The following GLRA2 variants were observed in gnomAD, a reference collection of about 807,000 sequenced individuals.
The protein encoded by GLRA2 is glycine receptor subunit alpha-2.
Under a neutral mutation model 31.6 loss-of-function variants are expected in GLRA2, and 11 were observed. The ratio of observed to expected loss-of-function variants is 0.35; its 90% confidence interval spans 0.22 to 0.58. GLRA2 has a LOEUF of 0.58. Among genes scored for constraint, GLRA2 ranks in the 20% least tolerant of loss-of-function variants. The pLI is 0.84. For missense variants in GLRA2, 212 were observed against 351.8 expected (o/e 0.60, Z 3.18); for synonymous variants, 132 against 134.0 (o/e 0.99, Z 0.10).
At chrX:14,558,390 G>T (rs1363681313) in intron 2 of GLRA2, among the ~76,000 whole-genome samples, 2 of 112,126 alleles carry the variant, frequency 1.8e-5, no homozygotes, top group East Asian at 5.6e-4. Flanking sequence ...GCTGTTTAAA[G>T]TTGACAGGTG....
chrX:14,618,132 A>T (rs2090474144), intron 7 of GLRA2, among the ~76,000 whole-genome samples: 2 of 111,983 alleles, frequency 1.8e-5, no homozygotes, highest in African/African-American at 6.5e-5. Context: ...AAAATTTACC[A>T]TTTCTTCCAG....
At chrX:14,589,657 C>T (rs888158018) in intron 4 of GLRA2, among the ~76,000 whole-genome samples, 3 of 97,990 alleles carry the variant, frequency 3.1e-5, no homozygotes, top group African/African-American at 1.1e-4. Context: ...GGCAACAGAG[C>T]GAGACTCTAT....
At chrX:14,449,028 C>T in the GLRA2 span, among the ~76,000 whole-genome samples, 2 of 112,316 alleles carry the variant, frequency 1.8e-5, no homozygotes, top group Non-Finnish European at 3.8e-5. Flanking sequence ...TTTCAGCTAT[C>T]TGCTCATTCA....
chrX:14,499,736 T>G, the GLRA2 span, among the ~76,000 whole-genome samples: 3 of 111,105 alleles, frequency 2.7e-5, no homozygotes, highest in Non-Finnish European at 5.7e-5. Context: ...CTGAAAAACC[T>G]CCTTTTGGGT....
intron 2 of GLRA2, among the ~76,000 whole-genome samples, chrX:14,543,045 G>A (rs2089426733): frequency 9.1e-6 from 1 of 109,302 alleles, no homozygotes. Context: ...TCAGAAGGAT[G>A]ATACCTTCTT....
chrX:14,480,465 T>C, the GLRA2 span, among the ~76,000 whole-genome samples: 2,207 of 111,972 alleles, frequency 0.02, 70 homozygotes, highest in African/African-American at 0.068. Flanking sequence ...TGATGTTTCC[T>C]ATGTTTTCTT....
At chrX:14,695,917 A>C (rs2091438325) in intron 8 of GLRA2, among the ~76,000 whole-genome samples, 1 of 111,153 alleles carries the variant, frequency 9.0e-6, no homozygotes, top group Non-Finnish European at 1.9e-5. Context: ...AGGCAGAGGC[A>C]GTGGGAGTGC....
At chrX:14,519,976 A>G in the GLRA2 span, among the ~76,000 whole-genome samples, 20 of 112,422 alleles carry the variant, frequency 1.8e-4, no homozygotes, top group African/African-American at 6.4e-4. Flanking sequence ...TAATAAAGTC[A>G]TCATTGTCTA....
intron 7 of GLRA2, among the ~76,000 whole-genome samples, chrX:14,644,908 T>G (rs2090813676): frequency 8.9e-6 from 1 of 112,114 alleles, no homozygotes; most frequent in Non-Finnish European, 1.9e-5. Context: ...GCTTATCTTC[T>G]ACCTTTCTAG....
At chrX:14,666,229 A>G (rs748680480) in intron 7 of GLRA2, among the ~76,000 whole-genome samples, 1 of 112,088 alleles carries the variant, frequency 8.9e-6, no homozygotes, top group African/African-American at 3.2e-5. Flanking sequence ...ATCAAATTCA[A>G]TTATGCATTA....
At chrX:14,484,808 G>A in the GLRA2 span, among the ~76,000 whole-genome samples, 1 of 111,806 alleles carries the variant, frequency 8.9e-6, no homozygotes, top group Non-Finnish European at 1.9e-5. Flanking sequence ...ACCATCTTAA[G>A]GGCTGATGCA....
rs2089231701 is a variant in GLRA2, at chrX:14,529,906, T to G, written c.-152T>G. 2 of 496,995 alleles carry G rather than the reference T, an allele frequency of 4.0e-6. No individual in the cohort carries two copies. Among genetic ancestry groups the G allele is most frequent in the Non-Finnish European group, 7.1e-6 (2 of 283,210 alleles). 41.0% of individuals were successfully genotyped at this position (496,995 alleles called of 1,213,427 possible). ...CAGGACTGGCACTTTTTCTTTTTTC[T>G]CAGCAAACTGTACAAAACCAAATCT... On this transcript the variant is annotated 5_prime_UTR_variant, in exon 1 of 9. Coordinates refer to ENST00000218075, the MANE Select transcript of GLRA2 (RefSeq NM_002063.4).
intron 8 of GLRA2, among the ~76,000 whole-genome samples, chrX:14,697,574 T>G (rs949053291): frequency 9.0e-6 from 1 of 111,623 alleles, no homozygotes; most frequent in African/African-American, 3.3e-5. Context: ...GAGGGGAGCT[T>G]GCTTATAAAA....
In GLRA2 at chrX:14,542,989, C is replaced by T. The variant is rs187127273; in HGVS notation, c.202+10617C>T. ...ACTTTAACAAAGTCATTACTCCCTACAGGTTAAGACCTACAGGACTAGAAT... is the reference window on the plus strand; with the variant it reads ...ACTTTAACAAAGTCATTACTCCCTATAGGTTAAGACCTACAGGACTAGAAT... On this transcript the variant is annotated intron_variant, in intron 2 of 8. Transcript: ENST00000218075. Among the ~76,000 whole-genome samples, 618 of 110,124 alleles carry T rather than the reference C, an allele frequency of 5.6e-3. 4 individuals are homozygous for T. Among genetic ancestry groups the T allele is most frequent in the Non-Finnish European group, 8.6e-3 (454 of 52,591 alleles).
the GLRA2 span, among the ~76,000 whole-genome samples, chrX:14,471,657 A>G: frequency 1.8e-5 from 2 of 112,338 alleles, no homozygotes; most frequent in South Asian, 3.7e-4. Flanking sequence ...ACTGATACAT[A>G]TAGATGGTCC....
chrX:14,639,076 A>C (rs1038500821), intron 7 of GLRA2, among the ~76,000 whole-genome samples: 2 of 111,488 alleles, frequency 1.8e-5, no homozygotes, highest in Non-Finnish European at 3.8e-5. Context: ...TGATCAAGCC[A>C]ATTATTACAC....
intron 8 of GLRA2, among the ~76,000 whole-genome samples, chrX:14,700,082 C>T (rs752458015): frequency 2.7e-5 from 3 of 110,910 alleles, no homozygotes; most frequent in Non-Finnish European, 5.7e-5. Flanking sequence ...TACAACAGAC[C>T]CCCAGTTACA....
At chrX:14,579,595 G>T (rs2089994287) in intron 3 of GLRA2, among the ~76,000 whole-genome samples, 1 of 111,855 alleles carries the variant, frequency 8.9e-6, no homozygotes, top group South Asian at 3.7e-4. Flanking sequence ...CTCCCAAAGT[G>T]CTGGGATTAC....
the GLRA2 span, among the ~76,000 whole-genome samples, chrX:14,471,514 T>C: frequency 8.9e-6 from 1 of 112,249 alleles, no homozygotes; most frequent in South Asian, 3.7e-4. Context: ...AATGCTGTGG[T>C]AGGCTATTAC....
Sources: allele counts gnomAD v4.1 joint callset (sites outside exome capture counted in the v4.1 genomes callset), GRCh38; gene constraint gnomAD v4.1.1; transcripts MANE v1.5; gene names NCBI Gene and HGNC (gene_info 2026-07-23, HGNC 2026-07-21).